The following TULP1 variants were observed in gnomAD, a reference collection of about 807,000 sequenced individuals.
TULP1 encodes tubby-related protein 1.
A neutral mutation model predicts 67.1 loss-of-function variants in TULP1; 50 were observed. The observed-to-expected ratio is 0.75, with a 90% CI of 0.59 to 0.94. TULP1 has a LOEUF of 0.94. Among genes scored for constraint, TULP1 ranks in the 40% least tolerant of loss-of-function variants. TULP1 has a pLI of 0.00. For missense variants in TULP1, 746 were observed against 734.1 expected (o/e 1.02, Z -0.19); for synonymous variants, 297 against 294.0 (o/e 1.01, Z -0.11).
intron 4 of TULP1, 163 bp from the exon 5 acceptor site, chr6:35,511,173 G>C: frequency 6.8e-7 from 1 of 1,471,152 alleles, no homozygotes. Flanking sequence ...GAAGAATGAG[G>C]GTGACTGGCA....
At chr6:35,510,818 G>A (rs780043324) in intron 5 of TULP1, 43 bp downstream of exon 5, 3 of 1,612,166 alleles carry the variant, frequency 1.9e-6, no homozygotes, top group Non-Finnish European at 2.5e-6. Flanking sequence ...GGACAGGGCT[G>A]TTCTGCTTCC....
chr6:35,507,933 T>C (rs1463062129), intron 8 of TULP1, among the ~76,000 whole-genome samples: 2 of 152,186 alleles, frequency 1.3e-5, no homozygotes, highest in East Asian at 3.9e-4. Flanking sequence ...TCCTGCCTCA[T>C]CCTCCTAAGT....
At chr6:35,512,596 G>A (rs1336978884) in intron 2 of TULP1, 43 bp downstream of exon 2, 1 of 1,613,634 alleles carries the variant, frequency 6.2e-7, no homozygotes, top group South Asian at 1.1e-5. Context: ...TTTACGCACA[G>A]CGGGGACATC....
intron 10 of TULP1, 51 bp downstream of exon 10, chr6:35,505,952 C>T: frequency 6.2e-7 from 1 of 1,614,140 alleles, no homozygotes. Flanking sequence ...TCCCGTGGCC[C>T]CCATGCCGGA....
At chr6:35,501,901 T>C (rs1350241431) in intron 13 of TULP1, among the ~76,000 whole-genome samples, 2 of 152,106 alleles carry the variant, frequency 1.3e-5, no homozygotes, top group Non-Finnish European at 2.9e-5. Context: ...CAAAAATCAG[T>C]TTTAAAGACC....
chr6:35,497,964 C>T lies in TULP1; in HGVS notation c.*363G>A, dbSNP rs1183102904. The T allele has an allele frequency of 1.4e-5, 5 of 369,512 alleles. No individual in the cohort carries two copies. Among genetic ancestry groups the T allele is most frequent in the South Asian group, 1.2e-4 (4 of 32,634 alleles). The allele number at this position is 369,512 out of a possible 1,614,324, so 22.9% of individuals were successfully genotyped here. ...CTCCTCCTAGCCCGCCCCAGCTCCT[C>T]GGAGCCCTAGCGCGGTCCCGGGGAG... On this transcript the variant is annotated 3_prime_UTR_variant, in exon 15 of 15. Coordinates refer to ENST00000229771, the MANE Select transcript of TULP1 (RefSeq NM_003322.6).
chr6:35,504,854 T>C (rs1240839984), intron 11 of TULP1, among the ~76,000 whole-genome samples: 1 of 149,766 alleles, frequency 6.7e-6, no homozygotes, highest in Non-Finnish European at 1.5e-5. Context: ...GTGTGAGCCA[T>C]CACGCCTGGC....
intron 13 of TULP1, 119 bp from the exon 14 acceptor site, chr6:35,500,271 C>T: frequency 3.7e-6 from 4 of 1,078,092 alleles, no homozygotes; most frequent in Non-Finnish European, 5.7e-6. Context: ...TGGACATCTT[C>T]ATCCATTAGG....
At chr6:35,509,992 A>G (rs1393040958) in intron 5 of TULP1, 64 bp from the exon 6 acceptor site, 7 of 1,506,626 alleles carry the variant, frequency 4.6e-6, no homozygotes, top group Non-Finnish European at 6.4e-6. Context: ...CTGCCTTCCA[A>G]CCCTCTTGTC....
At position 35,498,059 on chromosome 6, in the gene TULP1, G is replaced by C; in HGVS notation, c.*268C>G. The C allele has an allele frequency of 1.7e-6, 1 of 594,560 alleles. No homozygotes were observed. The highest frequency in any genetic ancestry group is 3.0e-6 in the Non-Finnish European group (1 of 336,116). The allele number at this position is 594,560 out of a possible 1,614,324, so 36.8% of individuals were successfully genotyped here. A position where few individuals can be genotyped will look rare whatever the true frequency, so the allele number is the denominator to read the frequency against. On this transcript the variant is annotated 3_prime_UTR_variant, in exon 15 of 15. Transcript: ENST00000229771. This position sits in a 1 kb window ranked among gnomAD's most constrained non-coding sequence, Gnocchi z 6.7. ...TGACTGGGGCGCGGGGAGGAGGGGGGCACAGCGGCGCAGGCGAGCTCCGAG... is the reference window on the plus strand; with the variant it reads ...TGACTGGGGCGCGGGGAGGAGGGGGCCACAGCGGCGCAGGCGAGCTCCGAG...
chr6:35,505,460 A>C, intron 11 of TULP1: 3 of 726,484 alleles, frequency 4.1e-6, no homozygotes, highest in Non-Finnish European at 4.5e-6. Flanking sequence ...CCCTCGTGGA[A>C]CTTATGCCCT....
At chr6:35,506,323 C>A in intron 8 of TULP1, 44 bp from the exon 9 acceptor site, 1 of 1,550,750 alleles carries the variant, frequency 6.4e-7, no homozygotes, top group Non-Finnish European at 8.7e-7. Flanking sequence ...GCAGGGGCCG[C>A]ATCCCTGGAG....
Position 35,503,551 on chromosome 6 carries a change from G to C in TULP1, c.1323+8C>G. 1 of 1,561,088 alleles carries C rather than the reference G, an allele frequency of 6.4e-7. No homozygotes were observed. Among genetic ancestry groups the C allele is most frequent in the Non-Finnish European group, 8.7e-7 (1 of 1,152,568 alleles). On this transcript the variant is annotated splice_region_variant and intron_variant, in intron 13 of 14. Coordinates refer to ENST00000229771, the MANE Select transcript of TULP1 (RefSeq NM_003322.6). The surrounding 1 kb of genome is among the most constrained non-coding windows in gnomAD (Gnocchi z 4.0). The stretch of plus-strand genomic sequence containing the variant: ...GGGAGCCAGGGGCCAGGGAGGTGCG[G>C]GGCTCACATTTCGGGGCCGGATGGG...
rs772500923 is a variant in TULP1 at position 35,500,149 on chromosome 6, T to A, written c.1327A>T (p.Ser443Cys). The change falls in exon 14 of 15, where the codon AGT becomes TGT. Residue 443 changes from serine to cysteine, a missense_variant. By Grantham distance (112) the Ser-to-Cys change is moderately radical. Transcript: ENST00000229771. ...ERVPIRPRNASDGLLVRWQNK... is the reference protein window; with the variant it reads ...ERVPIRPRNACDGLLVRWQNK... ...TGCCAGCGCACCAGCAGGCCGTCAC[T>A]AGCCTGGGGTGCCCCAGGGGAGTAG... 3.1e-6 allele frequency: 5 copies of A among 1,613,826 alleles called. No individual in the cohort carries two copies. Among genetic ancestry groups the A allele is most frequent in the Non-Finnish European group, 4.2e-6 (5 of 1,180,028 alleles).
At chr6:35,502,524 C>T (rs1280489188) in intron 13 of TULP1, among the ~76,000 whole-genome samples, 6 of 137,094 alleles carry the variant, frequency 4.4e-5, no homozygotes, top group South Asian at 2.4e-4. Context: ...GACAGAGTGT[C>T]GCTCTGTTGC....
chr6:35,500,623 T>C (rs1768819671), intron 13 of TULP1, among the ~76,000 whole-genome samples: 1 of 152,224 alleles, frequency 6.6e-6, no homozygotes, highest in Non-Finnish European at 1.5e-5. Context: ...TCTTTCTTTC[T>C]TGAGTTTCCT....
intron 14 of TULP1, among the ~76,000 whole-genome samples, chr6:35,499,311 G>A (rs148046457): frequency 2.0e-5 from 3 of 152,290 alleles, no homozygotes; most frequent in African/African-American, 7.2e-5. Context: ...CCCCTAAAAG[G>A]CAACCATCTT....
rs755591704 is a variant in TULP1, at chr6:35,503,455, T to C, written c.1323+104A>G. 2.6e-6 allele frequency: 3 copies of C among 1,171,744 alleles called. No individual in the cohort carries two copies. The East Asian group carries it at 7.7e-5, about 30-fold the overall frequency. 72.6% of individuals were successfully genotyped at this position (1,171,744 alleles called of 1,614,324 possible). On this transcript the variant is annotated intron_variant, in intron 13 of 14. Transcript: ENST00000229771. The surrounding 1 kb of genome is among the most constrained non-coding windows in gnomAD (Gnocchi z 4.0). ...CTAGGTGGCCAGAATGAATTTGTGTTGGAGGGTGATGGATGTGCTCAGGGA... is the reference window on the plus strand; with the variant it reads ...CTAGGTGGCCAGAATGAATTTGTGTCGGAGGGTGATGGATGTGCTCAGGGA...
chr6:35,506,216 C>G (rs1021960568), intron 9 of TULP1, 43 bp from the exon 10 acceptor site: 12 of 1,611,030 alleles, frequency 7.4e-6, no homozygotes, highest in Non-Finnish European at 1.0e-5. Context: ...AGCACCAGCT[C>G]CCCCGCTCCC....
Sources: gnomAD v4.1 joint callset for allele counts (sites outside exome capture counted in the v4.1 genomes callset) on GRCh38, gnomAD v4.1.1 for gene constraint, Gnocchi (gnomAD v3.1) non-coding constraint, MANE v1.5 for transcripts, NCBI Gene and HGNC (gene_info 2026-07-23, HGNC 2026-07-21) for gene names.